CUBN: variants seen among roughly 807,000 people sequenced by gnomAD.
CUBN encodes the protein 460 kDa receptor.
CUBN carries 282 observed loss-of-function variants against 405.3 expected under a neutral mutation model. The ratio of observed to expected loss-of-function variants is 0.70; its 90% CI spans 0.63 to 0.77. The LOEUF (loss-of-function observed/expected upper bound fraction) is 0.77, where lower values mean the gene tolerates loss of function less well. Ranked by LOEUF, CUBN falls within the 30% of genes least tolerant of loss-of-function variation. The pLI, the probability that CUBN is intolerant of heterozygous loss-of-function variation, is 0.00. For synonymous variants in CUBN, 1,684 were observed against 1,617.0 expected, an observed-to-expected ratio of 1.04 and a Z score of -0.99; for missense variants, 4,514 against 4,475.2, an observed-to-expected ratio of 1.01 and a Z score of -0.25.
At chr10:17,056,014 C>T (rs1835387281) in intron 22 of CUBN, among the ~76,000 whole-genome samples, 1 of 151,888 alleles carries the variant, frequency 6.6e-6, no homozygotes, top group Admixed American at 6.6e-5. Flanking sequence ...TTTTAATATA[C>T]AATATGAAAT....
chr10:16,952,802 AGAG>A (rs1243546859), intron 32 of CUBN, among the ~76,000 whole-genome samples: 1 of 152,220 alleles, frequency 6.6e-6, no homozygotes, highest in Non-Finnish European at 1.5e-5. Context: ...GTAGATTACT[AGAG>A]AAGAGCAAAA....
intron 9 of CUBN, among the ~76,000 whole-genome samples, chr10:17,110,369 T>G (rs1836742980): frequency 6.6e-6 from 1 of 152,218 alleles, no homozygotes; most frequent in Admixed American, 6.5e-5. Flanking sequence ...AATTCTGCAT[T>G]ATCTCTGTAG....
intron 54 of CUBN, among the ~76,000 whole-genome samples, chr10:16,892,071 G>C (rs1426369842): frequency 1.3e-5 from 2 of 152,124 alleles, no homozygotes; most frequent in African/African-American, 2.4e-5. Flanking sequence ...AAAACATCAA[G>C]TCATTAAAAA....
chr10:17,009,849 T>C (rs540617729), intron 28 of CUBN, among the ~76,000 whole-genome samples: 3 of 152,314 alleles, frequency 2.0e-5, no homozygotes, highest in African/African-American at 7.2e-5. Context: ...TGGGGGAAAG[T>C]TCTCTCTGCT....
chr10:16,972,315 C>T (rs539509102), intron 31 of CUBN, among the ~76,000 whole-genome samples: 1 of 152,284 alleles, frequency 6.6e-6, no homozygotes, highest in South Asian at 2.1e-4. Flanking sequence ...TTGTATATGT[C>T]TAGCTCAGAT....
At chr10:16,957,798 T>C (rs1029000492) in intron 31 of CUBN, among the ~76,000 whole-genome samples, 12 of 151,928 alleles carry the variant, frequency 7.9e-5, no homozygotes, top group South Asian at 2.1e-4. Flanking sequence ...GAAGCACTAG[T>C]CACAATAGCC....
At chr10:16,892,100 A>G (rs1442465089) in intron 54 of CUBN, among the ~76,000 whole-genome samples, 1 of 152,254 alleles carries the variant, frequency 6.6e-6, no homozygotes, top group East Asian at 1.9e-4. Context: ...TTGGGAAATC[A>G]GTCCATAGCA....
At chr10:17,003,456 G>A (rs967607478) in intron 28 of CUBN, among the ~76,000 whole-genome samples, 1 of 152,112 alleles carries the variant, frequency 6.6e-6, no homozygotes, top group Non-Finnish European at 1.5e-5. Flanking sequence ...CCAGATTGTT[G>A]TGAATTTTTT....
chr10:16,982,105 AT>A (rs1833292021), intron 31 of CUBN, among the ~76,000 whole-genome samples: 1 of 152,192 alleles, frequency 6.6e-6, no homozygotes, highest in Non-Finnish European at 1.5e-5. Context: ...TGCTTTCCTT[AT>A]TAAAAGAAAC....
intron 6 of CUBN, among the ~76,000 whole-genome samples, chr10:17,119,992 G>C (rs976933170): frequency 2.0e-5 from 3 of 152,144 alleles, no homozygotes; most frequent in Admixed American, 6.5e-5. Context: ...TTCCGTCCAA[G>C]TAAAAGAGCT....
At chr10:16,914,025 A>T in intron 47 of CUBN, 33 bp from the exon 48 acceptor site, 1 of 1,609,650 alleles carries the variant, frequency 6.2e-7, no homozygotes, top group South Asian at 1.1e-5. Flanking sequence ...AAAACTTTCA[A>T]TCAAATCAAA....
chr10:16,861,193 ACT>A (rs1840002658), intron 59 of CUBN, among the ~76,000 whole-genome samples: 1 of 145,676 alleles, frequency 6.9e-6, no homozygotes, highest in Non-Finnish European at 1.5e-5. Flanking sequence ...ATAGAGTTTC[ACT>A]CTGTCACCCA....
At chr10:17,047,180 A>G (rs1243342282) in intron 23 of CUBN, among the ~76,000 whole-genome samples, 1 of 152,174 alleles carries the variant, frequency 6.6e-6, no homozygotes, top group Non-Finnish European at 1.5e-5. Flanking sequence ...TCTGGAGTTT[A>G]TTTTCAAGTA....
chr10:17,023,198 TG>T (rs35165424), intron 27 of CUBN, among the ~76,000 whole-genome samples: 50,719 of 138,618 alleles, frequency 0.37, 8,804 homozygotes, highest in East Asian at 0.59. Context: ...AAGTACTGGG[TG>T]GGGGTGGAGG....
At chr10:16,946,166 T>C (rs1026406904) in intron 36 of CUBN, among the ~76,000 whole-genome samples, 2 of 152,192 alleles carry the variant, frequency 1.3e-5, no homozygotes, top group African/African-American at 4.8e-5. Context: ...TAAATTTCAA[T>C]TCAAAACGGC....
intron 54 of CUBN, among the ~76,000 whole-genome samples, chr10:16,895,627 CT>C (rs943035146): frequency 6.6e-6 from 1 of 152,054 alleles, no homozygotes; most frequent in Non-Finnish European, 1.5e-5. Context: ...TGGATTGATC[CT>C]TTTATCATTA....
chr10:16,895,400 A>G (rs887611431), intron 54 of CUBN, among the ~76,000 whole-genome samples: 2 of 152,024 alleles, frequency 1.3e-5, no homozygotes, highest in Admixed American at 1.3e-4. Flanking sequence ...TGTCAATCAG[A>G]TCCTATTAAC....
chr10:17,048,602 C>G (rs2131823504), intron 22 of CUBN, among the ~76,000 whole-genome samples: 1 of 152,134 alleles, frequency 6.6e-6, no homozygotes, highest in East Asian at 1.9e-4. Context: ...CTCAGCCTCC[C>G]CAGCAGCTGG....
intron 8 of CUBN, among the ~76,000 whole-genome samples, chr10:17,112,242 A>C (rs1836787802): frequency 1.3e-5 from 2 of 152,176 alleles, no homozygotes; most frequent in South Asian, 4.1e-4. Flanking sequence ...TAAGAAAATT[A>C]TCATATTTGT....
Sources: allele counts gnomAD v4.1 joint callset (sites outside exome capture counted in the v4.1 genomes callset), GRCh38; gene constraint gnomAD v4.1.1; transcripts MANE v1.5; gene names NCBI Gene and HGNC (gene_info 2026-07-23, HGNC 2026-07-21).